The following CALN1 variants were observed in gnomAD, a reference collection of about 807,000 sequenced individuals.
CALN1 encodes the protein calneuron 1.
A neutral mutation model predicts 30.6 loss-of-function variants in CALN1; 17 were observed. The observed-to-expected ratio is 0.56, with a 90% confidence interval of 0.38 to 0.83. CALN1 has a LOEUF of 0.83. Ranked by LOEUF, CALN1 falls within the 40% of genes least tolerant of loss-of-function variation. The pLI is 0.00. For missense variants in CALN1, 291 were observed against 354.9 expected (o/e 0.82, Z 1.45); for synonymous variants, 156 against 131.4 (o/e 1.19, Z -1.28).
chr7:71,801,428 G>GTATGTATGTATGTATC (rs1461292230), intron 6 of CALN1, among the ~76,000 whole-genome samples: 35 of 87,728 alleles, frequency 4.0e-4, no homozygotes, highest in Admixed American at 1.0e-3. Flanking sequence ...ATGTATGTAT[G>GTATGTATGTATGTATC]TATCTATCTA....
intron 1 of CALN1, among the ~76,000 whole-genome samples, chr7:72,432,595 G>A (rs1808011658): frequency 6.6e-6 from 1 of 152,098 alleles, no homozygotes; most frequent in South Asian, 2.1e-4. Context: ...CTCCATCCTT[G>A]CCTTCCCGGA....
At chr7:72,263,739 G>A (rs1796427786) in intron 3 of CALN1, among the ~76,000 whole-genome samples, 1 of 152,066 alleles carries the variant, frequency 6.6e-6, no homozygotes, top group Non-Finnish European at 1.5e-5. Context: ...TTTTGACAAA[G>A]TTCTCTTATC....
chr7:72,282,777 G>C (rs1797819077), intron 2 of CALN1, among the ~76,000 whole-genome samples: 1 of 152,188 alleles, frequency 6.6e-6, no homozygotes, highest in South Asian at 2.1e-4. Flanking sequence ...GAATTGGCTG[G>C]GTGTGGTGGC....
At chr7:72,240,277 C>T (rs1585241985) in intron 3 of CALN1, among the ~76,000 whole-genome samples, 1 of 151,952 alleles carries the variant, frequency 6.6e-6, no homozygotes, top group South Asian at 2.1e-4. Context: ...TCACTGCACC[C>T]TTGAATTCCT....
chr7:71,963,693 TTA>T (rs765353098), intron 5 of CALN1, among the ~76,000 whole-genome samples: 124 of 152,290 alleles, frequency 8.1e-4, no homozygotes, highest in Non-Finnish European at 1.2e-3. Context: ...GGTCACCACT[TTA>T]TATGTTTTAT....
chr7:71,907,597 C>T (rs71551238), intron 5 of CALN1, among the ~76,000 whole-genome samples: 13,021 of 152,138 alleles, frequency 0.086, 954 homozygotes, highest in East Asian at 0.42. Context: ...GCCCTGAAGT[C>T]TCTTCATGGT....
chr7:71,792,562 T>G (rs1786634541), intron 6 of CALN1, among the ~76,000 whole-genome samples: 1 of 151,954 alleles, frequency 6.6e-6, no homozygotes, highest in South Asian at 2.1e-4. Context: ...ATCCTTGGGG[T>G]AGAGATGGGC....
intron 3 of CALN1, among the ~76,000 whole-genome samples, chr7:72,150,872 T>TATGATGATGATGATG (rs139046404): frequency 0.033 from 4,979 of 150,494 alleles, 92 homozygotes; most frequent in Non-Finnish European, 0.04. Flanking sequence ...GCTGTGATGA[T>TATGATGATGATGATG]ATGATGATGA....
chr7:72,409,099 G>A (rs1381046951), intron 1 of CALN1, among the ~76,000 whole-genome samples: 3 of 151,720 alleles, frequency 2.0e-5, no homozygotes, highest in Admixed American at 1.3e-4. Context: ...GGATTCAAGA[G>A]ATTCTCCTGA....
At chr7:72,242,366 G>A (rs1280812378) in intron 3 of CALN1, among the ~76,000 whole-genome samples, 3 of 152,108 alleles carry the variant, frequency 2.0e-5, no homozygotes, top group East Asian at 3.8e-4. Flanking sequence ...ATAAATTGAT[G>A]GATAATATGG....
At chr7:71,866,740 T>C (rs896503814) in intron 5 of CALN1, among the ~76,000 whole-genome samples, 1 of 152,146 alleles carries the variant, frequency 6.6e-6, no homozygotes, top group Non-Finnish European at 1.5e-5. Context: ...TTCAAAATAA[T>C]TTAGCATGAT....
intron 3 of CALN1, among the ~76,000 whole-genome samples, chr7:72,118,551 C>T (rs1342705652): frequency 6.6e-6 from 1 of 152,212 alleles, no homozygotes; most frequent in Non-Finnish European, 1.5e-5. Flanking sequence ...TTTAGCATGC[C>T]AGGTAGGTTA....
At chr7:72,050,950 C>T (rs1802794055) in intron 4 of CALN1, among the ~76,000 whole-genome samples, 2 of 151,504 alleles carry the variant, frequency 1.3e-5, no homozygotes, top group Admixed American at 1.3e-4. Flanking sequence ...CACGGTTGTG[C>T]CACTACTGCA....
At chr7:71,794,056 T>A (rs779001733) in intron 6 of CALN1, among the ~76,000 whole-genome samples, 1 of 152,208 alleles carries the variant, frequency 6.6e-6, no homozygotes, top group Non-Finnish European at 1.5e-5. Flanking sequence ...AAGTGCTTTT[T>A]TTTTATGTGC....
chr7:72,261,972 CAACACGGATGGTTGGGCTCTTCCCA>C (rs1796299566), intron 3 of CALN1, among the ~76,000 whole-genome samples: 1 of 152,232 alleles, frequency 6.6e-6, no homozygotes, highest in Non-Finnish European at 1.5e-5. Flanking sequence ...CCACCACCAG[CAACACGGATGGTTGGGCTCTTCCCA>C]TTTTCAGAAA....
chr7:72,426,500 G>A (rs932095519), intron 1 of CALN1, among the ~76,000 whole-genome samples: 1 of 152,230 alleles, frequency 6.6e-6, no homozygotes, highest in Non-Finnish European at 1.5e-5. Context: ...TCCGCCATGA[G>A]TGTAAGTTTC....
chr7:72,175,585 T>C (rs1260570408), intron 3 of CALN1, among the ~76,000 whole-genome samples: 1 of 152,062 alleles, frequency 6.6e-6, no homozygotes, highest in Non-Finnish European at 1.5e-5. Context: ...TAGAGAACAA[T>C]TTCCTAACCA....
chr7:71,922,495 T>C (rs1362737041), intron 5 of CALN1, among the ~76,000 whole-genome samples: 1 of 145,120 alleles, frequency 6.9e-6, no homozygotes, highest in Admixed American at 7.1e-5. Flanking sequence ...ATATAATATA[T>C]AATATATAAA....
At chr7:72,066,482 C>G (rs1197574052) in intron 4 of CALN1, among the ~76,000 whole-genome samples, 1 of 152,046 alleles carries the variant, frequency 6.6e-6, no homozygotes, top group Non-Finnish European at 1.5e-5. Flanking sequence ...ACTCATTTTC[C>G]TTTTTTTCAG....
Sources: gnomAD v4.1 joint callset for allele counts (sites outside exome capture counted in the v4.1 genomes callset) on GRCh38, gnomAD v4.1.1 for gene constraint, MANE v1.5 for transcripts, NCBI Gene and HGNC (gene_info 2026-07-23, HGNC 2026-07-21) for gene names.